Variants in KCNN3 observed in about 807,000 individuals in gnomAD.
KCNN3 encodes the protein potassium calcium-activated channel subfamily N member 3.
Under a neutral mutation model 62.9 loss-of-function variants are expected in KCNN3, and 16 were observed. The observed-to-expected ratio is 0.25, with a 90% CI of 0.17 to 0.39. The LOEUF (loss-of-function observed/expected upper bound fraction) is 0.39, where lower values mean the gene tolerates loss of function less well. Among genes scored for constraint, KCNN3 ranks in the 10% least tolerant of loss-of-function variants. KCNN3 has a pLI of 1.00. For missense variants in KCNN3, 599 were observed against 949.4 expected (o/e 0.63, Z 4.85); for synonymous variants, 370 against 389.2 (o/e 0.95, Z 0.58).
intron 1 of KCNN3, among the ~76,000 whole-genome samples, chr1:154,851,456 A>G (rs1652296368): frequency 6.6e-6 from 1 of 152,110 alleles, no homozygotes; most frequent in South Asian, 2.1e-4. Context: ...ATACACCTCA[A>G]ACTTAACGAG....
At chr1:154,834,309 C>T (rs111774822) in intron 1 of KCNN3, among the ~76,000 whole-genome samples, 1 of 152,338 alleles carries the variant, frequency 6.6e-6, no homozygotes, top group African/African-American at 2.4e-5. Context: ...CACACACCAA[C>T]GTGGGCCACC....
intron 1 of KCNN3, among the ~76,000 whole-genome samples, chr1:154,832,371 C>G (rs1651409937): frequency 6.6e-6 from 1 of 152,034 alleles, no homozygotes; most frequent in Non-Finnish European, 1.5e-5. Flanking sequence ...ACCTTTATCT[C>G]AGGAGAACTG....
At chr1:154,827,627 C>T (rs1183834798) in intron 1 of KCNN3, among the ~76,000 whole-genome samples, 1 of 152,028 alleles carries the variant, frequency 6.6e-6, no homozygotes, top group Admixed American at 6.6e-5. Flanking sequence ...GGTGAAACCC[C>T]ATCTCTACTA....
At chr1:154,837,825 C>A (rs1045852221) in intron 1 of KCNN3, among the ~76,000 whole-genome samples, 1 of 152,194 alleles carries the variant, frequency 6.6e-6, no homozygotes, top group African/African-American at 2.4e-5. Context: ...CCTCTTGTCA[C>A]GTGGGGGCCA....
intron 2 of KCNN3, among the ~76,000 whole-genome samples, chr1:154,787,436 C>T: frequency 6.6e-6 from 1 of 152,224 alleles, no homozygotes; most frequent in East Asian, 1.9e-4. Flanking sequence ...GTGCCAGGTA[C>T]AATGCCAAGA....
At chr1:154,783,699 A>G (rs1374818527) in intron 2 of KCNN3, among the ~76,000 whole-genome samples, 1 of 152,184 alleles carries the variant, frequency 6.6e-6, no homozygotes, top group Admixed American at 6.5e-5. Context: ...TGGGACTGGA[A>G]GGAGAGGGGA....
chr1:154,756,312 GAAGAAGAAGAAA>G (rs1489642331), intron 3 of KCNN3, among the ~76,000 whole-genome samples: 2 of 151,710 alleles, frequency 1.3e-5, no homozygotes, highest in Admixed American at 1.3e-4. Flanking sequence ...AGAGGAAGAG[GAAGAAGAAGAAA>G]AAGAAGAAGA....
At chr1:154,753,484 T>C (rs946564577) in intron 3 of KCNN3, among the ~76,000 whole-genome samples, 3 of 152,224 alleles carry the variant, frequency 2.0e-5, no homozygotes, top group African/African-American at 7.2e-5. Flanking sequence ...CTTATGTTCT[T>C]TCTCCTTTTG....
At chr1:154,789,101 G>A (rs893162431) in intron 2 of KCNN3, among the ~76,000 whole-genome samples, 3 of 152,220 alleles carry the variant, frequency 2.0e-5, no homozygotes, top group Non-Finnish European at 4.4e-5. Context: ...CCGCAGGGCT[G>A]GCTCCTTCCC....
intron 1 of KCNN3, among the ~76,000 whole-genome samples, chr1:154,837,033 T>C (rs1651621692): frequency 6.6e-6 from 1 of 152,046 alleles, no homozygotes; most frequent in African/African-American, 2.4e-5. Flanking sequence ...TGGGGAGAAC[T>C]CCATCAACTT....
rs547925725 is a variant in KCNN3 at position 154,788,344 on chromosome 1, A to G, written c.1030-15951T>C. ...CCATACAAAGTGGTTGAGTGGCCAA[A>G]TGTTTGAAAAATGCTTCTCAGAGAT... On this transcript the variant is annotated intron_variant, in intron 2 of 7. Coordinates refer to ENST00000271915, the MANE Select transcript of KCNN3 (RefSeq NM_002249.6). Among the ~76,000 whole-genome samples the G allele has an allele frequency of 7.2e-5, 11 of 152,320 alleles. No individual in the cohort carries two copies. The South Asian group carries it at 2.3e-3, about 32-fold the overall frequency.
intron 1 of KCNN3, among the ~76,000 whole-genome samples, chr1:154,842,346 T>C (rs1651867859): frequency 6.6e-6 from 1 of 152,134 alleles, no homozygotes; most frequent in African/African-American, 2.4e-5. Flanking sequence ...CTCTCAGAGC[T>C]GTCTGGCCAA....
At chr1:154,724,675 G>A (rs1700423316) in intron 5 of KCNN3, among the ~76,000 whole-genome samples, 1 of 152,140 alleles carries the variant, frequency 6.6e-6, no homozygotes, top group Admixed American at 6.5e-5. Context: ...TCAGTGGGGT[G>A]TCCAACTTTC....
rs1699962495 is a variant in KCNN3, at chr1:154,706,205, T to C, written c.*1771A>G. On this transcript the variant is annotated 3_prime_UTR_variant, in exon 8 of 8. Transcript: ENST00000271915. ...ATCTTCCTGAAAAAGTGGCCTTGGC[T>C]CTACAATTGTCTACCTTGTGCTGTC... 6.6e-6 allele frequency: 1 copy of C among 152,192 alleles called. No individual in the cohort carries two copies. Among genetic ancestry groups the C allele is most frequent in the Non-Finnish European group, 1.5e-5 (1 of 68,034 alleles). The allele number at this position is 152,192 out of a possible 1,614,324, so 9.4% of individuals were successfully genotyped here.
At chr1:154,729,339 G>A (rs1700541796) in intron 4 of KCNN3, among the ~76,000 whole-genome samples, 1 of 152,140 alleles carries the variant, frequency 6.6e-6, no homozygotes. Context: ...GGGGCGAGGG[G>A]AGTGGATGGG....
intron 1 of KCNN3, among the ~76,000 whole-genome samples, chr1:154,845,736 C>A (rs951322677): frequency 6.6e-6 from 1 of 152,170 alleles, no homozygotes; most frequent in African/African-American, 2.4e-5. Flanking sequence ...GTCCCAAGGG[C>A]ACACGTCCTT....
chr1:154,848,805 G>A, intron 1 of KCNN3, among the ~76,000 whole-genome samples: 1 of 152,072 alleles, frequency 6.6e-6, no homozygotes, highest in East Asian at 1.9e-4. Flanking sequence ...AATATCCGCG[G>A]CAGGCCCTTA....
intron 3 of KCNN3, among the ~76,000 whole-genome samples, chr1:154,764,840 G>T (rs1316355386): frequency 1.3e-5 from 2 of 152,152 alleles, no homozygotes; most frequent in African/African-American, 4.8e-5. Flanking sequence ...ACCAATGTCT[G>T]CCTTTCTTTA....
intron 1 of KCNN3, among the ~76,000 whole-genome samples, chr1:154,831,493 G>A (rs1268026711): frequency 2.6e-5 from 4 of 152,228 alleles, no homozygotes; most frequent in Non-Finnish European, 5.9e-5. Context: ...TGAATCTAAT[G>A]TGCGGGCCAG....
Sources: allele counts gnomAD v4.1 joint callset (sites outside exome capture counted in the v4.1 genomes callset), GRCh38; gene constraint gnomAD v4.1.1; transcripts MANE v1.5; gene names NCBI Gene and HGNC (gene_info 2026-07-23, HGNC 2026-07-21).